Variants in RELB observed in about 807,000 individuals in gnomAD.
RELB encodes the protein transcription factor RelB.
Under a neutral mutation model 55.4 loss-of-function variants are expected in RELB, and 14 were observed. The observed-to-expected ratio is 0.25, with a 90% CI of 0.17 to 0.40. The LOEUF (loss-of-function observed/expected upper bound fraction) is 0.40. RELB is among the 10% of genes least tolerant of loss of function. RELB has a pLI of 1.00. For missense variants in RELB, 669 were observed against 830.7 expected (o/e 0.81, Z 2.39); for synonymous variants, 409 against 371.3 (o/e 1.10, Z -1.17).
chr19:45,031,515 C>T, intron 8 of RELB, among the ~76,000 whole-genome samples: 1 of 152,108 alleles, frequency 6.6e-6, no homozygotes, highest in East Asian at 1.9e-4. Flanking sequence ...TCTTGTGAGT[C>T]CTCTTACTGA....
chr19:45,018,390 C>T (rs866818515), intron 4 of RELB, among the ~76,000 whole-genome samples: 1 of 151,892 alleles, frequency 6.6e-6, no homozygotes, highest in Non-Finnish European at 1.5e-5. Flanking sequence ...GCCAACAGAG[C>T]GAGACTCCAT....
At chr19:45,011,795 T>TGAGAGA (rs1264803219) in intron 3 of RELB, 141 bp from the exon 4 acceptor site, 12 of 199,834 alleles carry the variant, frequency 6.0e-5, no homozygotes, top group Admixed American at 4.4e-4. Flanking sequence ...TGTGTGTGTG[T>TGAGAGA]GTGAGAGAGA....
At chr19:45,035,725 C>T (rs568997811) in intron 11 of RELB, among the ~76,000 whole-genome samples, 10 of 152,184 alleles carry the variant, frequency 6.6e-5, no homozygotes, top group Non-Finnish European at 1.5e-4. Context: ...ACTTGGGAGG[C>T]TGAGGCAGGA....
intron 5 of RELB, 136 bp from the exon 6 acceptor site, chr19:45,025,193 C>T (rs778014350): frequency 2.8e-4 from 188 of 664,422 alleles, no homozygotes; most frequent in Non-Finnish European, 4.8e-4. Flanking sequence ...GTTTCTAATG[C>T]TGGGACCCCT....
chr19:45,018,669 TA>T (rs934665685), intron 4 of RELB, among the ~76,000 whole-genome samples: 3 of 149,018 alleles, frequency 2.0e-5, no homozygotes, highest in East Asian at 1.9e-4. Context: ...GCCTGTTATT[TA>T]TTTATTTTTT....
At chr19:45,025,103 C>T (rs1020478869) in intron 5 of RELB, among the ~76,000 whole-genome samples, 2 of 152,102 alleles carry the variant, frequency 1.3e-5, no homozygotes, top group African/African-American at 4.8e-5. Flanking sequence ...AAGTGATCCT[C>T]CTGCCTCGGC....
intron 8 of RELB, among the ~76,000 whole-genome samples, chr19:45,030,001 C>G (rs1427175547): frequency 6.6e-6 from 1 of 152,036 alleles, no homozygotes; most frequent in Non-Finnish European, 1.5e-5. Flanking sequence ...AACCCTGTCT[C>G]TACAAAAAAT....
At chr19:45,010,527 AG>A (rs959119265) in intron 3 of RELB, among the ~76,000 whole-genome samples, 2 of 152,036 alleles carry the variant, frequency 1.3e-5, no homozygotes, top group African/African-American at 4.8e-5. Flanking sequence ...AAACAGGACG[AG>A]GGAGAGATGG....
At chr19:45,036,172 A>G (rs1236472547) in intron 11 of RELB, among the ~76,000 whole-genome samples, 1 of 152,020 alleles carries the variant, frequency 6.6e-6, no homozygotes, top group African/African-American at 2.4e-5. Flanking sequence ...TCCCAGGTTC[A>G]AGTGATTCTC....
chr19:45,003,906 G>GTTTTTTTTTTTTTTT (rs1568395564), intron 2 of RELB, among the ~76,000 whole-genome samples: 7 of 62,536 alleles, frequency 1.1e-4, no homozygotes, highest in African/African-American at 3.3e-4. Context: ...TTTTTTGTCT[G>GTTTTTTTTTTTTTTT]TTTTTTGTGT....
chr19:45,036,494 G>A (rs1971687257), intron 11 of RELB, among the ~76,000 whole-genome samples: 3 of 152,018 alleles, frequency 2.0e-5, no homozygotes, highest in Non-Finnish European at 4.4e-5. Flanking sequence ...TTCCCAACTT[G>A]TGTCTCCCAT....
rs759274817 is a variant in RELB at position 45,012,128 on chromosome 19, C to T, written c.356C>T (p.Pro119Leu). The change falls in exon 4 of 12, where the codon CCG becomes CTG. Residue 119 changes from proline (P) to leucine (L), a missense_variant. By Grantham distance (98) the Pro-to-Leu change is moderately conservative. Coordinates refer to ENST00000221452, the MANE Select transcript of RELB (RefSeq NM_006509.4). ...CTGGGCCGACTAGTGTCCCCAGCGC[C>T]GGGCCCGGGCCCGCAGCCGCACCTG... ...CPLGRLVSPA[P>L]GPGPQPHLVI... The T allele has an allele frequency of 1.9e-6, 3 of 1,555,126 alleles. No individual in the cohort carries two copies. The highest frequency in any genetic ancestry group is 1.2e-5 in the South Asian group (1 of 84,376).
chr19:45,019,293 G>A (rs2122440593), intron 4 of RELB, among the ~76,000 whole-genome samples: 1 of 152,108 alleles, frequency 6.6e-6, no homozygotes. Flanking sequence ...GAACTCCTGT[G>A]CTGAAGCAAC....
At chr19:45,017,293 C>G (rs1971430318) in intron 4 of RELB, among the ~76,000 whole-genome samples, 1 of 151,992 alleles carries the variant, frequency 6.6e-6, no homozygotes, top group Non-Finnish European at 1.5e-5. Context: ...GGCTGCTGAG[C>G]AAAAATTCTG....
intron 8 of RELB, 95 bp downstream of exon 8, chr19:45,029,087 G>A (rs1971591481): frequency 1.2e-6 from 1 of 855,690 alleles, no homozygotes; most frequent in Non-Finnish European, 1.9e-6. Context: ...ATGAGAAAGA[G>A]CTGGTTAACC....
At chr19:45,024,363 C>T (rs913179409) in intron 5 of RELB, among the ~76,000 whole-genome samples, 4 of 151,484 alleles carry the variant, frequency 2.6e-5, no homozygotes, top group East Asian at 1.9e-4. Context: ...GGGGTTTCAC[C>T]GTGTTAGCCA....
rs147871592 is a variant in RELB at position 45,010,829 on chromosome 19, C to A, written c.163+1007C>A. Among the ~76,000 whole-genome samples, 1,484 of 151,934 alleles carry A rather than the reference C, an allele frequency of 9.8e-3. 13 individuals are homozygous for A. Among genetic ancestry groups the A allele is most frequent in the South Asian group, 0.034 (164 of 4,804 alleles). On this transcript the variant is annotated intron_variant, in intron 3 of 11. Coordinates refer to ENST00000221452, the MANE Select transcript of RELB (RefSeq NM_006509.4). ...AGTAGCTGGGAGTACAGGCATGCAC[C>A]AACATACCTGGCTCATTTTTGTATT...
chr19:45,018,359 G>A (rs571715779), intron 4 of RELB, among the ~76,000 whole-genome samples: 138 of 151,794 alleles, frequency 9.1e-4, no homozygotes, highest in African/African-American at 3.2e-3. Flanking sequence ...AGCTGAGATC[G>A]TGCCACTGCA....
intron 4 of RELB, among the ~76,000 whole-genome samples, chr19:45,013,805 C>T (rs145889427): frequency 1.7e-3 from 257 of 152,006 alleles, no homozygotes; most frequent in African/African-American, 6.0e-3. Flanking sequence ...GCTCTCCGGC[C>T]TGAGCGACAA....
Sources: gnomAD v4.1 joint callset for allele counts (sites outside exome capture counted in the v4.1 genomes callset) on GRCh38, gnomAD v4.1.1 for gene constraint, MANE v1.5 for transcripts, NCBI Gene and HGNC (gene_info 2026-07-23, HGNC 2026-07-21) for gene names.